Variants in SEC23A observed in about 807,000 individuals in gnomAD.
SEC23A encodes the protein SEC23 homolog A, COPII component, also known as protein transport protein Sec23A.
A neutral mutation model predicts 103.7 loss-of-function variants in SEC23A; 56 were observed. The ratio of observed to expected loss-of-function variants is 0.54; its 90% CI spans 0.44 to 0.67. The LOEUF is 0.67. SEC23A is among the 30% of genes least tolerant of loss of function. The pLI, the probability that SEC23A is intolerant of heterozygous loss-of-function variation, is 0.00. For synonymous variants in SEC23A, 281 were observed against 293.0 expected, an observed-to-expected ratio of 0.96 and a Z score of 0.42; for missense variants, 784 against 936.4, an observed-to-expected ratio of 0.84 and a Z score of 2.12.
In SEC23A at chr14:39,048,870, T is replaced by C. The variant is rs181012483; in HGVS notation, c.1660-141A>G. On this transcript the variant is annotated intron_variant, in intron 14 of 19. Coordinates refer to ENST00000307712, the MANE Select transcript of SEC23A (RefSeq NM_006364.4). ...AAGAATAAAATTATAATATTACTTA[T>C]AGACTTACCAAGAGACAAAACCAAA... The C allele has an allele frequency of 5.7e-5, 34 of 600,368 alleles. No homozygotes were observed. The East Asian group carries it at 6.8e-4, about 12-fold the overall frequency. 37.2% of individuals were successfully genotyped at this position (600,368 alleles called of 1,614,324 possible).
intron 7 of SEC23A, among the ~76,000 whole-genome samples, chr14:39,082,290 G>C (rs991622374): frequency 6.6e-6 from 1 of 151,356 alleles, no homozygotes; most frequent in African/African-American, 2.4e-5. Context: ...GTAAATGGGA[G>C]AGGAGAGAAA....
intron 2 of SEC23A, 93 bp downstream of exon 2, chr14:39,095,805 C>G: frequency 9.3e-7 from 1 of 1,074,226 alleles, no homozygotes; most frequent in Non-Finnish European, 1.4e-6. Context: ...TTAGTATGAA[C>G]AAAAACAAAG....
chr14:39,060,232 T>A (rs1289557621), intron 13 of SEC23A, among the ~76,000 whole-genome samples: 2 of 152,104 alleles, frequency 1.3e-5, no homozygotes, highest in Non-Finnish European at 2.9e-5. Context: ...CATTTTTTCT[T>A]CAAATGAATA....
At chr14:39,037,063 A>C (rs1490770207) in intron 19 of SEC23A, among the ~76,000 whole-genome samples, 1 of 152,032 alleles carries the variant, frequency 6.6e-6, no homozygotes, top group African/African-American at 2.4e-5. Context: ...TGCCTCTCTG[A>C]TAATTCACTA....
intron 9 of SEC23A, among the ~76,000 whole-genome samples, chr14:39,072,595 G>A (rs2139246448): frequency 6.6e-6 from 1 of 152,110 alleles, no homozygotes; most frequent in East Asian, 1.9e-4. Flanking sequence ...GGAGGATCGA[G>A]CCCAGGAGTT....
At chr14:39,061,735 A>G in intron 13 of SEC23A, 30 bp downstream of exon 13, 1 of 1,502,298 alleles carries the variant, frequency 6.7e-7, no homozygotes, top group East Asian at 2.3e-5. Flanking sequence ...CTGTGATATG[A>G]AAATCAAATC....
rs2139174003 is a variant in SEC23A at position 39,033,164 on chromosome 14, G to A, written c.*75C>T. 3 of 1,129,950 alleles carry A rather than the reference G, an allele frequency of 2.7e-6. No individual in the cohort carries two copies. In the East Asian group the frequency reaches 7.0e-5, roughly 27 times the overall value. The allele number at this position is 1,129,950 out of a possible 1,614,324, so 70.0% of individuals were successfully genotyped here. A position where few individuals can be genotyped will look rare whatever the true frequency, so the allele number is the denominator to read the frequency against. On this transcript the variant is annotated 3_prime_UTR_variant, in exon 20 of 20. Coordinates refer to ENST00000307712, the MANE Select transcript of SEC23A (RefSeq NM_006364.4). ...AGAGCAATATCTGTTGGTTTCCACA[G>A]ATAAATGGAAAAAGGAAAAAATGAA...
Position 39,055,182 on chromosome 14 carries a change from T to G in SEC23A, c.1620A>C (p.Pro540=). The change falls in exon 14 of 20, where the codon CCA becomes CCC. Residue 540 remains proline (P), a synonymous_variant. Transcript: ENST00000307712. ...AIYRAETEEG[P]DVLRWLDRQL... ...GTCTGTCCAGCCACCTAAGCACATC[T>G]GGACCTTCTTCTGTTTCTGCTCTAT... The G allele has an allele frequency of 6.2e-7, 1 of 1,614,250 alleles. No homozygotes were observed. The highest frequency in any genetic ancestry group is 1.1e-5 in the South Asian group (1 of 91,084).
rs150620611 is a variant in SEC23A, at chr14:39,051,792, G to A, written c.1660-3063C>T. On this transcript the variant is annotated intron_variant, in intron 14 of 19. Transcript: ENST00000307712. ...AGCCTGACCAACATGGTGAAATCCC[G>A]TCTCTACTAAAAATACAAAAAAAAA... is the stretch of plus-strand genomic sequence containing the variant. 1.7e-4 allele frequency among the ~76,000 whole-genome samples: 26 copies of A among 151,812 alleles called. No homozygotes were observed. The East Asian group carries it at 2.7e-3, about 16-fold the overall frequency.
intron 2 of SEC23A, among the ~76,000 whole-genome samples, chr14:39,094,281 C>CATATATATGCATATATACACATAT (rs1887768945): frequency 2.9e-4 from 8 of 27,304 alleles, no homozygotes; most frequent in African/African-American, 1.1e-3. Flanking sequence ...TACACATATA[C>CATATATATGCATATATACACATAT]ACATATATAT....
chr14:39,094,329 CATAT>C (rs1415836537), intron 2 of SEC23A, among the ~76,000 whole-genome samples: 10 of 70,030 alleles, frequency 1.4e-4, no homozygotes, highest in African/African-American at 4.2e-4. Flanking sequence ...CATATATACA[CATAT>C]ACACATATAT....
rs56911438 is a variant in SEC23A at position 39,041,409 on chromosome 14, C to CAA, written c.1987-524_1987-523dup. ...AAATCACCATAAAACAAAGAAAAAG[C>CAA]AAAAAAAAAAAAAAAAAAAAAAAAA... On this transcript the variant is annotated intron_variant, in intron 17 of 19. Coordinates refer to ENST00000307712, the MANE Select transcript of SEC23A (RefSeq NM_006364.4). The CAA allele has an allele frequency of 2.5e-3, 36 of 14,648 alleles. 7 individuals carry two copies. In the East Asian group the frequency reaches 0.048, roughly 20 times the overall value. The allele number at this position is 14,648 out of a possible 1,614,324, so 0.9% of individuals were successfully genotyped here.
chr14:39,095,959 T>A lies in SEC23A; in HGVS notation c.160A>T (p.Ile54Phe). 3 of 1,614,178 alleles carry A rather than the reference T, an allele frequency of 1.9e-6. No homozygotes were observed. The highest frequency in any genetic ancestry group is 2.5e-6 in the Non-Finnish European group (3 of 1,180,020). Reference sequence around the variant, plus strand: ...CTACACAGAACAGGTTCATATTGAATAGGTGGTAAGTCAGGTCTCTCTTTC... The same window carrying A: ...CTACACAGAACAGGTTCATATTGAAAAGGTGGTAAGTCAGGTCTCTCTTTC... ...PLKERPDLPP[I>F]QYEPVLCSRT... is the part of the protein sequence containing the mutation. The change falls in exon 2 of 20, where the codon ATT becomes TTT. Residue 54 changes from isoleucine to phenylalanine, a missense_variant. By Grantham distance (21) the Ile-to-Phe change is conservative (BLOSUM62 0). This residue lies in a region of SEC23A where 683 missense variants were observed against 774.2 expected (regional missense o/e 0.88). Coordinates refer to ENST00000307712, the MANE Select transcript of SEC23A (RefSeq NM_006364.4).
intron 13 of SEC23A, among the ~76,000 whole-genome samples, chr14:39,058,628 T>C (rs979645604): frequency 6.6e-5 from 10 of 152,338 alleles, no homozygotes; most frequent in Admixed American, 3.3e-4. Context: ...TTTTTAATTT[T>C]CTTTCAATAA....
chr14:39,068,463 T>C (rs1407538497), intron 9 of SEC23A, among the ~76,000 whole-genome samples: 1 of 152,246 alleles, frequency 6.6e-6, no homozygotes, highest in East Asian at 1.9e-4. Context: ...TGAAGCACTA[T>C]TTGTAACAAC....
chr14:39,049,245 A>G (rs1428610120), intron 14 of SEC23A, among the ~76,000 whole-genome samples: 2 of 152,114 alleles, frequency 1.3e-5, no homozygotes, highest in Non-Finnish European at 2.9e-5. Flanking sequence ...TGGGAGGCCA[A>G]GGCGGGCGGA....
intron 1 of SEC23A, among the ~76,000 whole-genome samples, chr14:39,101,374 C>T (rs1231164966): frequency 1.3e-5 from 2 of 151,914 alleles, no homozygotes; most frequent in Non-Finnish European, 2.9e-5. Context: ...AATCCCAGCA[C>T]TTTTGGAGGC....
chr14:39,065,075 TATTC>T (rs1886613104), intron 10 of SEC23A, 82 bp from the exon 11 acceptor site: 1 of 860,088 alleles, frequency 1.2e-6, no homozygotes, highest in Non-Finnish European at 2.0e-6. Context: ...GAATATAAGA[TATTC>T]ATCTATATTT....
chr14:39,085,339 A>G (rs190742725), intron 7 of SEC23A, among the ~76,000 whole-genome samples: 20 of 152,320 alleles, frequency 1.3e-4, no homozygotes, highest in African/African-American at 4.8e-4. Context: ...CGAGAAACAT[A>G]AAGTGTTTCC....
Sources: allele counts gnomAD v4.1 joint callset (sites outside exome capture counted in the v4.1 genomes callset), GRCh38; gene constraint gnomAD v4.1.1; regional missense constraint gnomAD v4.1.1; transcripts MANE v1.5; gene names NCBI Gene and HGNC (gene_info 2026-07-23, HGNC 2026-07-21).